The following GATAD2B variants were observed in gnomAD, a reference collection of about 807,000 sequenced individuals.
GATAD2B encodes the protein transcriptional repressor p66-beta.
Under a neutral mutation model 64.3 loss-of-function variants are expected in GATAD2B, and 8 were observed. The observed-to-expected ratio is 0.12, with a 90% CI of 0.07 to 0.22. The LOEUF is 0.22. GATAD2B is among the 10% of genes least tolerant of loss of function. GATAD2B has a pLI of 1.00. For missense variants in GATAD2B, 453 were observed against 752.0 expected (o/e 0.60, Z 4.65); for synonymous variants, 281 against 271.3 (o/e 1.04, Z -0.35).
At chr1:153,814,750 T>C (rs1231688904) in intron 7 of GATAD2B, among the ~76,000 whole-genome samples, 3 of 151,824 alleles carry the variant, frequency 2.0e-5, no homozygotes, top group Non-Finnish European at 4.4e-5. Flanking sequence ...CCGAGGCAGG[T>C]GGATCACCTG....
chr1:153,911,974 T>G (rs965829282), intron 1 of GATAD2B, among the ~76,000 whole-genome samples: 1 of 152,210 alleles, frequency 6.6e-6, no homozygotes, highest in Non-Finnish European at 1.5e-5. Flanking sequence ...TAAAACTTTA[T>G]CATATTCTAT....
chr1:153,853,328 T>TG, intron 1 of GATAD2B: 1 of 757,660 alleles, frequency 1.3e-6, no homozygotes, highest in Non-Finnish European at 2.4e-6. Flanking sequence ...GCTGAGGACA[T>TG]GGGGTCATAT....
intron 1 of GATAD2B, among the ~76,000 whole-genome samples, chr1:153,917,896 A>G (rs879619060): frequency 2.6e-5 from 4 of 152,246 alleles, no homozygotes; most frequent in Non-Finnish European, 4.4e-5. Flanking sequence ...AGGGATGGGA[A>G]CTGACAATAC....
At chr1:153,874,373 T>A (rs1408374156) in intron 1 of GATAD2B, among the ~76,000 whole-genome samples, 2 of 152,112 alleles carry the variant, frequency 1.3e-5, no homozygotes, top group Non-Finnish European at 2.9e-5. Flanking sequence ...TACTATGAAG[T>A]GCCCCTAAGA....
At chr1:153,852,682 T>A in intron 1 of GATAD2B, 1 of 909,428 alleles carries the variant, frequency 1.1e-6, no homozygotes, top group Middle Eastern at 2.4e-4. Flanking sequence ...CTTTTTTGCT[T>A]AGCTTCTTTA....
chr1:153,814,679 C>T (rs1048099867), intron 7 of GATAD2B, among the ~76,000 whole-genome samples: 1 of 151,966 alleles, frequency 6.6e-6, no homozygotes, highest in African/African-American at 2.4e-5. Context: ...GAAGCTGAGA[C>T]AAAAGAATTG....
rs756052339 is a variant in GATAD2B, at chr1:153,811,845, G to A, written c.1534C>T (p.Pro512Ser). 7 of 1,599,968 alleles carry A rather than the reference G, an allele frequency of 4.4e-6. No individual in the cohort carries two copies. In the East Asian group the frequency reaches 1.3e-4, roughly 31 times the overall value. Residue 512 changes from proline (P) to serine (S), a missense_variant, in exon 10 of 11, where the codon CCA (proline) becomes TCA (serine). Transcript: ENST00000368655. ...IMRHHTLRQA[P>S]QPQSSLQRGI... ...CGCTGGAGGCTGCTCTGGGGCTGTG[G>A]AGCCTGCAATGATGAGGAGACAGTG...
intron 1 of GATAD2B, among the ~76,000 whole-genome samples, chr1:153,907,318 C>G (rs1224525189): frequency 6.6e-6 from 1 of 152,182 alleles, no homozygotes. Flanking sequence ...GAATATTATT[C>G]AGCCTTAAAA....
At chr1:153,894,039 C>CT (rs902833384) in intron 1 of GATAD2B, among the ~76,000 whole-genome samples, 1 of 148,842 alleles carries the variant, frequency 6.7e-6, no homozygotes, top group Non-Finnish European at 1.5e-5. Context: ...ACCAACATGA[C>CT]TTTATCTTCA....
chr1:153,823,449 A>C (rs2101886946), intron 2 of GATAD2B, among the ~76,000 whole-genome samples: 1 of 152,364 alleles, frequency 6.6e-6, no homozygotes, highest in African/African-American at 2.4e-5. Context: ...TGGCAAAATA[A>C]GATATTTAGG....
At chr1:153,903,866 C>G (rs1428142292) in intron 1 of GATAD2B, among the ~76,000 whole-genome samples, 1 of 152,138 alleles carries the variant, frequency 6.6e-6, no homozygotes. Flanking sequence ...CACATGTGGT[C>G]CCAGCTACTT....
chr1:153,828,773 G>A (rs920042908), intron 1 of GATAD2B, among the ~76,000 whole-genome samples: 2 of 151,974 alleles, frequency 1.3e-5, no homozygotes, highest in Non-Finnish European at 2.9e-5. Context: ...CATTTAAGAT[G>A]CTTTTTAAAA....
At chr1:153,862,370 G>A (rs575837671) in intron 1 of GATAD2B, among the ~76,000 whole-genome samples, 3 of 151,764 alleles carry the variant, frequency 2.0e-5, no homozygotes, top group Non-Finnish European at 2.9e-5. Flanking sequence ...TGATCCGCCC[G>A]CCTCAACCTC....
intron 1 of GATAD2B, among the ~76,000 whole-genome samples, chr1:153,885,719 C>T (rs1222195152): frequency 4.6e-5 from 7 of 151,720 alleles, no homozygotes; most frequent in African/African-American, 1.2e-4. Flanking sequence ...AAAAATTAGC[C>T]GGGCGTGGTG....
chr1:153,835,854 C>G (rs567021212), intron 1 of GATAD2B, among the ~76,000 whole-genome samples: 1 of 152,088 alleles, frequency 6.6e-6, no homozygotes, highest in Non-Finnish European at 1.5e-5. Flanking sequence ...TCCTGAGTAG[C>G]TGGGATTACA....
At chr1:153,891,604 G>C (rs372293781) in intron 1 of GATAD2B, among the ~76,000 whole-genome samples, 7 of 106,268 alleles carry the variant, frequency 6.6e-5, no homozygotes, top group Admixed American at 1.1e-4. Context: ...AAAAAGAGGT[G>C]GGGGGGAGAG....
chr1:153,916,277 G>GAAAAAA (rs200305010), intron 1 of GATAD2B, among the ~76,000 whole-genome samples: 4 of 92,604 alleles, frequency 4.3e-5, no homozygotes, highest in Non-Finnish European at 6.6e-5. Context: ...TCCACCTCAA[G>GAAAAAA]AAAAAAAAAA....
intron 1 of GATAD2B, among the ~76,000 whole-genome samples, chr1:153,864,043 T>G (rs1234296891): frequency 1.3e-5 from 2 of 152,174 alleles, no homozygotes; most frequent in African/African-American, 4.8e-5. Context: ...GAAGTAATAA[T>G]AATAGGCACT....
At chr1:153,909,021 C>T (rs962544642) in intron 1 of GATAD2B, among the ~76,000 whole-genome samples, 3 of 151,708 alleles carry the variant, frequency 2.0e-5, no homozygotes, top group Non-Finnish European at 2.9e-5. Context: ...GACAACACAG[C>T]GAGATTCCCA....
Sources: allele counts gnomAD v4.1 joint callset (sites outside exome capture counted in the v4.1 genomes callset), GRCh38; gene constraint gnomAD v4.1.1; transcripts MANE v1.5; gene names NCBI Gene and HGNC (gene_info 2026-07-23, HGNC 2026-07-21).